MEIS1: variants seen among roughly 807,000 people sequenced by gnomAD.
MEIS1 encodes homeobox protein Meis1.
Under a neutral mutation model 50.8 loss-of-function variants are expected in MEIS1, and 5 were observed. The observed-to-expected ratio is 0.10, with a 90% CI of 0.05 to 0.21. The LOEUF is 0.21. Ranked by LOEUF, MEIS1 falls within the 10% of genes least tolerant of loss-of-function variation. MEIS1 has a pLI of 1.00. For missense variants in MEIS1, 318 were observed against 517.3 expected, an observed-to-expected ratio of 0.61 and a Z score of 3.74; for synonymous variants, 176 against 179.3, an observed-to-expected ratio of 0.98 and a Z score of 0.15.
chr2:66,528,166 GTATA>G (rs1237933033), intron 8 of MEIS1, among the ~76,000 whole-genome samples: 4 of 152,166 alleles, frequency 2.6e-5, no homozygotes, highest in Non-Finnish European at 5.9e-5. Context: ...CACTAGAGAT[GTATA>G]TAGAGTCATA....
chr2:66,482,105 C>T (rs1673031262), intron 7 of MEIS1, among the ~76,000 whole-genome samples: 1 of 152,048 alleles, frequency 6.6e-6, no homozygotes, highest in South Asian at 2.1e-4. Context: ...TGTGATCTGC[C>T]TACGTCGGCC....
intron 5 of MEIS1, 61 bp downstream of exon 5, chr2:66,441,525 G>A (rs1671982688): frequency 1.5e-6 from 2 of 1,365,738 alleles, no homozygotes; most frequent in Admixed American, 6.0e-5. Context: ...ACAGGGGGGA[G>A]GGTTCCGAAT....
At chr2:66,550,769 A>G (rs1674900216) in intron 9 of MEIS1, among the ~76,000 whole-genome samples, 1 of 152,078 alleles carries the variant, frequency 6.6e-6, no homozygotes, top group African/African-American at 2.4e-5. Flanking sequence ...AAGTGCTGGG[A>G]TTACAGGCGT....
chr2:66,466,941 TAA>T (rs397944047), intron 7 of MEIS1, among the ~76,000 whole-genome samples: 56 of 130,300 alleles, frequency 4.3e-4, no homozygotes, highest in Non-Finnish European at 4.3e-4. Flanking sequence ...CACCTGTGGT[TAA>T]AAAAAAAAAA....
intron 9 of MEIS1, among the ~76,000 whole-genome samples, chr2:66,560,448 G>T (rs1675184212): frequency 6.6e-6 from 1 of 151,708 alleles, no homozygotes; most frequent in African/African-American, 2.4e-5. Context: ...ACAAAAACTA[G>T]CTAGGCATGG....
intron 7 of MEIS1, among the ~76,000 whole-genome samples, chr2:66,466,283 A>G (rs564009484): frequency 6.6e-4 from 101 of 152,330 alleles, no homozygotes; most frequent in African/African-American, 2.2e-3. Context: ...CTAAAAAACT[A>G]CAGTGAATAA....
At position 66,500,801 on chromosome 2, in the gene MEIS1, A is replaced by G. The variant is rs145892316; in HGVS notation, c.743-11348A>G. 4.0e-3 allele frequency among the ~76,000 whole-genome samples: 609 copies of G among 152,320 alleles called. 5 individuals are homozygous for G. The highest frequency in any genetic ancestry group is 0.014 in the African/African-American group (583 of 41,568). ...GTTTGTTGAAAAAGTGACCTCAGAT[A>G]AATAAATGCTATCTTGTTGTGTAAA... On this transcript the variant is annotated intron_variant, in intron 7 of 12. Coordinates refer to ENST00000272369, the MANE Select transcript of MEIS1 (RefSeq NM_002398.3).
intron 8 of MEIS1, among the ~76,000 whole-genome samples, chr2:66,514,852 C>A (rs1260181333): frequency 1.3e-5 from 2 of 152,128 alleles, no homozygotes; most frequent in African/African-American, 4.8e-5. Flanking sequence ...GTTTTGTAAT[C>A]CTTCTTGAAG....
At chr2:66,518,398 T>C (rs1558547480) in intron 8 of MEIS1, among the ~76,000 whole-genome samples, 1 of 152,196 alleles carries the variant, frequency 6.6e-6, no homozygotes, top group African/African-American at 2.4e-5. Flanking sequence ...TTTCTTTTTT[T>C]CCCAAGGTTA....
At chr2:66,436,872 G>GTT (rs5831809) in intron 1 of MEIS1, 143,449 of 871,286 alleles carry the variant, frequency 0.16, 186 homozygotes, top group Non-Finnish European at 0.18. Context: ...TATGAAAGTA[G>GTT]TTTTTTTTTT....
At chr2:66,493,315 G>A (rs1673318605) in intron 7 of MEIS1, among the ~76,000 whole-genome samples, 1 of 152,158 alleles carries the variant, frequency 6.6e-6, no homozygotes, top group East Asian at 1.9e-4. Flanking sequence ...ATTTGGATAA[G>A]GACGCATATT....
chr2:66,462,854 C>T (rs1398158738), intron 6 of MEIS1, among the ~76,000 whole-genome samples: 1 of 152,082 alleles, frequency 6.6e-6, no homozygotes, highest in Non-Finnish European at 1.5e-5. Context: ...CTTTCTATGA[C>T]TTTATTTTCA....
At chr2:66,535,394 A>T (rs1257320026) in intron 8 of MEIS1, among the ~76,000 whole-genome samples, 2 of 152,170 alleles carry the variant, frequency 1.3e-5, no homozygotes, top group Non-Finnish European at 1.5e-5. Flanking sequence ...AAAAGCCCAA[A>T]CTATTCTTCA....
intron 8 of MEIS1, among the ~76,000 whole-genome samples, chr2:66,522,018 G>A (rs1196677184): frequency 1.3e-5 from 2 of 152,172 alleles, no homozygotes; most frequent in African/African-American, 4.8e-5. Context: ...TGCGATGGGT[G>A]GGCATTTATC....
chr2:66,543,957 T>A (rs997152), intron 8 of MEIS1, among the ~76,000 whole-genome samples: 1,857 of 152,350 alleles, frequency 0.012, 17 homozygotes, highest in Middle Eastern at 0.027. Context: ...GTGCCATCCA[T>A]CTTGCCTTCA....
At chr2:66,448,890 T>TA (rs1672216843) in intron 6 of MEIS1, among the ~76,000 whole-genome samples, 1 of 152,160 alleles carries the variant, frequency 6.6e-6, no homozygotes, top group Admixed American at 6.5e-5. Flanking sequence ...AGTAAACTGA[T>TA]ACAGCTCTCA....
At chr2:66,507,992 G>A (rs914754321) in intron 7 of MEIS1, among the ~76,000 whole-genome samples, 4 of 152,204 alleles carry the variant, frequency 2.6e-5, no homozygotes, top group African/African-American at 9.7e-5. Context: ...TTTGTTGGTT[G>A]GCCTCTTTCA....
intron 8 of MEIS1, among the ~76,000 whole-genome samples, chr2:66,521,514 G>T (rs764096844): frequency 3.3e-5 from 5 of 152,156 alleles, no homozygotes; most frequent in Non-Finnish European, 7.3e-5. Flanking sequence ...GCTAAACCCA[G>T]GAGAATTAAG....
chr2:66,451,880 A>G (rs957883586), intron 6 of MEIS1, among the ~76,000 whole-genome samples: 1 of 151,886 alleles, frequency 6.6e-6, no homozygotes, highest in African/African-American at 2.4e-5. Flanking sequence ...TTTTCAATAT[A>G]TAGCCTTCCT....
Sources: gnomAD v4.1 joint callset for allele counts (sites outside exome capture counted in the v4.1 genomes callset) on GRCh38, gnomAD v4.1.1 for gene constraint, MANE v1.5 for transcripts, NCBI Gene and HGNC (gene_info 2026-07-23, HGNC 2026-07-21) for gene names.